Variants in LRRC1 observed in about 807,000 individuals in gnomAD.
LRRC1 encodes the protein leucine rich repeat containing 1.
Under a neutral mutation model 69.9 loss-of-function variants are expected in LRRC1, and 28 were observed. That is an observed-to-expected ratio of 0.40 (90% CI 0.30 to 0.55). The LOEUF (loss-of-function observed/expected upper bound fraction) is 0.55, where lower values mean the gene tolerates loss of function less well. Among genes scored for constraint, LRRC1 ranks in the 20% least tolerant of loss-of-function variants. LRRC1 has a pLI of 0.47. For synonymous variants in LRRC1, 236 were observed against 240.2 expected (o/e 0.98, Z 0.16); for missense variants, 498 against 609.0 (o/e 0.82, Z 1.92).
intron 3 of LRRC1, among the ~76,000 whole-genome samples, chr6:53,880,104 A>G (rs1767236451): frequency 6.6e-6 from 1 of 152,168 alleles, no homozygotes; most frequent in African/African-American, 2.4e-5. Context: ...ACCCACTTCA[A>G]AATTTCTTGG....
chr6:53,922,127 C>A (rs1211311266), intron 13 of LRRC1, among the ~76,000 whole-genome samples: 2 of 152,148 alleles, frequency 1.3e-5, no homozygotes, highest in Admixed American at 6.5e-5. Flanking sequence ...ATAGTACACA[C>A]AGCAGCAAAA....
chr6:53,922,644 C>G lies in LRRC1; in HGVS notation c.1426C>G (p.Leu476Val). 6.2e-7 allele frequency: 1 copy of G among 1,613,420 alleles called. No individual in the cohort carries two copies. Among genetic ancestry groups the G allele is most frequent in the Non-Finnish European group, 8.5e-7 (1 of 1,179,594 alleles). ...CACTGTTTGTTTTTAGAGAACACTT[C>G]TAAGGCGAGCCACTCCACACCCAGG... Reference protein sequence around the residue: ...DEEDNETRTLLRRATPHPGEL... With the variant: ...DEEDNETRTLVRRATPHPGEL... Residue 476 changes from leucine to valine, a missense_variant, in exon 14 of 14, where the codon CTA (leucine) becomes GTA (valine). By Grantham distance (32) the Leu-to-Val change is conservative. This residue lies in a region of LRRC1 where 162 missense variants were observed against 162.9 expected (regional missense o/e 0.99). Transcript: ENST00000370888.
In LRRC1 at chr6:53,818,158, A is replaced by G. The variant is rs1017595698; in HGVS notation, c.159+22743A>G. On this transcript the variant is annotated intron_variant, in intron 1 of 13. Coordinates refer to ENST00000370888, the MANE Select transcript of LRRC1 (RefSeq NM_018214.5). ...CTTTGCATCTTTCCAGAAATAATCT[A>G]TATTAATGCTTGTATACACACAGGC... Among the ~76,000 whole-genome samples, 68 of 152,192 alleles carry G rather than the reference A, an allele frequency of 4.5e-4. 2 individuals are homozygous for G. Among genetic ancestry groups the G allele is most frequent in the Admixed American group, 3.8e-3 (58 of 15,282 alleles).
chr6:53,871,122 A>G (rs1386164098), intron 2 of LRRC1, among the ~76,000 whole-genome samples: 3 of 152,190 alleles, frequency 2.0e-5, no homozygotes, highest in South Asian at 2.1e-4. Flanking sequence ...TATCTTTGAT[A>G]TGCTAATTTC....
At chr6:53,826,209 T>C (rs1364329812) in intron 1 of LRRC1, among the ~76,000 whole-genome samples, 1 of 151,904 alleles carries the variant, frequency 6.6e-6, no homozygotes, top group Non-Finnish European at 1.5e-5. Context: ...TTTTTTTTTT[T>C]TTTTTTGGAC....
chr6:53,816,944 A>G (rs1368624292), intron 1 of LRRC1, among the ~76,000 whole-genome samples: 1 of 152,240 alleles, frequency 6.6e-6, no homozygotes, highest in African/African-American at 2.4e-5. Context: ...TCAATTTATG[A>G]GCTAAAAACA....
At chr6:53,906,973 T>A (rs934092940) in intron 10 of LRRC1, among the ~76,000 whole-genome samples, 1 of 152,244 alleles carries the variant, frequency 6.6e-6, no homozygotes, top group African/African-American at 2.4e-5. Context: ...GTTTGCTGCC[T>A]AGCAGAAATG....
intron 1 of LRRC1, among the ~76,000 whole-genome samples, chr6:53,804,791 G>A (rs1016034939): frequency 3.3e-5 from 5 of 152,160 alleles, no homozygotes; most frequent in African/African-American, 1.2e-4. Context: ...CTGAATCAAT[G>A]GATATGTACT....
intron 8 of LRRC1, among the ~76,000 whole-genome samples, chr6:53,902,191 C>G (rs1171837088): frequency 1.3e-5 from 2 of 152,272 alleles, no homozygotes; most frequent in East Asian, 3.9e-4. Context: ...TATTCTGCAC[C>G]TGTAGAAATA....
chr6:53,812,515 C>T (rs1182547526), intron 1 of LRRC1, among the ~76,000 whole-genome samples: 5 of 151,578 alleles, frequency 3.3e-5, no homozygotes, highest in Non-Finnish European at 5.9e-5. Flanking sequence ...ACGGTGAAAC[C>T]CCGTCTCTAC....
intron 1 of LRRC1, among the ~76,000 whole-genome samples, chr6:53,800,247 C>CTTTTTTTT (rs55960000): frequency 8.9e-5 from 8 of 89,554 alleles, no homozygotes; most frequent in East Asian, 3.5e-4. Context: ...GTTTCTTTTT[C>CTTTTTTTT]TTTTTTTTTT....
Position 53,875,799 on chromosome 6 carries a change from G to T in LRRC1, c.278-3194G>T, listed in dbSNP as rs530794032. Among the ~76,000 whole-genome samples, 5 of 152,206 alleles carry T rather than the reference G, an allele frequency of 3.3e-5. No individual in the cohort carries two copies. In the South Asian group the frequency reaches 1.0e-3, roughly 32 times the overall value. On this transcript the variant is annotated intron_variant, in intron 2 of 13. Coordinates refer to ENST00000370888, the MANE Select transcript of LRRC1 (RefSeq NM_018214.5). Reference sequence around the variant, plus strand: ...GTTAAATAATTGTACATATGTATGGGTACATAGTGATGCTTTGATACATAT... The same window carrying T: ...GTTAAATAATTGTACATATGTATGGTTACATAGTGATGCTTTGATACATAT...
chr6:53,882,852 A>C lies in LRRC1; in HGVS notation c.357-35A>C, dbSNP rs538964107. The C allele has an allele frequency of 2.9e-6, 4 of 1,389,100 alleles. No individual in the cohort carries two copies. In the East Asian group the frequency reaches 9.2e-5, roughly 32 times the overall value. The allele number at this position is 1,389,100 out of a possible 1,614,324, so 86.0% of individuals were successfully genotyped here. A position where few individuals can be genotyped will look rare whatever the true frequency, so the allele number is the denominator to read the frequency against. The stretch of plus-strand genomic sequence containing the variant: ...GTATACACTATACATGAACTTTTTT[A>C]ATTTACAGCGTTTTGTTTGTTTGTT... On this transcript the variant is annotated intron_variant, in intron 3 of 13. Transcript: ENST00000370888.
chr6:53,922,353 C>G (rs1768764596), intron 13 of LRRC1, among the ~76,000 whole-genome samples: 1 of 151,952 alleles, frequency 6.6e-6, no homozygotes, highest in African/African-American at 2.4e-5. Flanking sequence ...GTTTATGGAG[C>G]CTTTTTATTT....
At chr6:53,836,339 A>G (rs1186955392) in intron 1 of LRRC1, among the ~76,000 whole-genome samples, 2 of 152,232 alleles carry the variant, frequency 1.3e-5, no homozygotes, top group Non-Finnish European at 2.9e-5. Context: ...GTTATTCAGT[A>G]AAAGCTAACT....
intron 8 of LRRC1, among the ~76,000 whole-genome samples, chr6:53,901,818 G>A (rs1180062097): frequency 6.6e-6 from 1 of 152,236 alleles, no homozygotes; most frequent in East Asian, 1.9e-4. Flanking sequence ...CTTAAGAATT[G>A]GTTCCTTCTC....
intron 1 of LRRC1, among the ~76,000 whole-genome samples, chr6:53,804,570 G>A (rs1204163560): frequency 2.0e-5 from 3 of 152,162 alleles, no homozygotes; most frequent in African/African-American, 7.2e-5. Context: ...GTATATAGAA[G>A]TATTATAGCA....
intron 4 of LRRC1, among the ~76,000 whole-genome samples, chr6:53,892,554 G>A (rs1451063246): frequency 6.6e-6 from 1 of 152,132 alleles, no homozygotes; most frequent in Admixed American, 6.5e-5. Flanking sequence ...GTTCCTTATG[G>A]GGTGCTGTAA....
intron 1 of LRRC1, among the ~76,000 whole-genome samples, chr6:53,803,942 T>G (rs551388908): frequency 1.3e-5 from 2 of 152,096 alleles, no homozygotes; most frequent in Non-Finnish European, 2.9e-5. Flanking sequence ...TCCACTGGCT[T>G]GTGAGAACCA....
Sources: allele counts gnomAD v4.1 joint callset (sites outside exome capture counted in the v4.1 genomes callset), GRCh38; gene constraint gnomAD v4.1.1; regional missense constraint gnomAD v4.1.1; transcripts MANE v1.5; gene names NCBI Gene and HGNC (gene_info 2026-07-23, HGNC 2026-07-21).